XIRP2: variants seen among roughly 807,000 people sequenced by gnomAD.
XIRP2 encodes xin actin binding repeat containing 2.
XIRP2 carries 236 observed loss-of-function variants against 277.0 expected under a neutral mutation model. The observed-to-expected ratio is 0.85, with a 90% CI of 0.77 to 0.95. The LOEUF is 0.95. Among genes scored for constraint, XIRP2 ranks in the 40% least tolerant of loss-of-function variants. XIRP2 has a pLI of 0.00. For missense variants in XIRP2, 4,640 were observed against 4,157.5 expected, an observed-to-expected ratio of 1.12 and a Z score of -3.19; for synonymous variants, 1,490 against 1,416.5, an observed-to-expected ratio of 1.05 and a Z score of -1.17.
chr2:166,908,347 G>A (rs1684588447), intron 2 of XIRP2, among the ~76,000 whole-genome samples: 2 of 152,144 alleles, frequency 1.3e-5, no homozygotes, highest in Admixed American at 1.3e-4. Context: ...GTTTTGATTT[G>A]CATTTCTCTG....
At chr2:166,963,519 T>C (rs1391665401) in intron 2 of XIRP2, among the ~76,000 whole-genome samples, 4 of 151,864 alleles carry the variant, frequency 2.6e-5, no homozygotes, top group African/African-American at 7.3e-5. Flanking sequence ...GAGGAGAGAC[T>C]CTTTCGTAAG....
intron 3 of XIRP2, among the ~76,000 whole-genome samples, chr2:167,189,901 G>A (rs1490609129): frequency 6.6e-6 from 1 of 152,144 alleles, no homozygotes; most frequent in African/African-American, 2.4e-5. Context: ...CACTAATGGA[G>A]TGCCCAGGCC....
At chr2:167,020,160 C>T (rs997294117) in intron 2 of XIRP2, among the ~76,000 whole-genome samples, 11 of 151,694 alleles carry the variant, frequency 7.3e-5, no homozygotes, top group African/African-American at 2.2e-4. Context: ...AAATTCAAAA[C>T]GAAAAGAGAA....
intron 3 of XIRP2, among the ~76,000 whole-genome samples, chr2:167,171,374 T>C (rs1692685428): frequency 6.6e-6 from 1 of 152,222 alleles, no homozygotes. Flanking sequence ...TTGTTTTATT[T>C]AGAAATATTT....
intron 2 of XIRP2, among the ~76,000 whole-genome samples, chr2:166,978,154 T>C (rs973153790): frequency 6.6e-6 from 1 of 152,182 alleles, no homozygotes; most frequent in Non-Finnish European, 1.5e-5. Flanking sequence ...TCATGTTGCA[T>C]TGGCGCTTTT....
chr2:166,950,144 T>C (rs1685989243), intron 2 of XIRP2, among the ~76,000 whole-genome samples: 1 of 152,056 alleles, frequency 6.6e-6, no homozygotes, highest in African/African-American at 2.4e-5. Context: ...TACTCTACAC[T>C]GAATAATTTA....
rs112122908 is a variant in XIRP2 at position 167,253,721 on chromosome 2, CAT to C, written c.10556-304_10556-303del. On this transcript the variant is annotated intron_variant, in intron 9 of 10. Coordinates refer to ENST00000409195, the MANE Select transcript of XIRP2 (RefSeq NM_152381.6). The stretch of plus-strand genomic sequence containing the variant: ...TAAAAAATATACTCACATATATGCA[CAT>C]ATATATGTTTGTAATGTACTTATAT... Among the ~76,000 whole-genome samples, 29 of 151,624 alleles carry C rather than the reference CAT, an allele frequency of 1.9e-4. 1 individual carries two copies. Among genetic ancestry groups the C allele is most frequent in the African/African-American group, 6.3e-4 (26 of 41,394 alleles).
intron 2 of XIRP2, among the ~76,000 whole-genome samples, chr2:167,055,922 A>G (rs1689026560): frequency 6.6e-6 from 1 of 152,146 alleles, no homozygotes; most frequent in African/African-American, 2.4e-5. Context: ...CATAGCAAAC[A>G]TTTGCAAATT....
intron 3 of XIRP2, among the ~76,000 whole-genome samples, chr2:167,168,708 G>A (rs1047645094): frequency 1.1e-4 from 17 of 152,194 alleles, no homozygotes; most frequent in African/African-American, 1.4e-4. Context: ...TCCGCCTCCC[G>A]GGTTCACACC....
rs1308554922 is a variant in XIRP2 at position 167,248,873 on chromosome 2, T to C, written c.7481T>C (p.Ile2494Thr). ...CTTGATGAAAGAAAACAATTATCTA[T>C]TGACTCTGCAAACTGTCTCTCACAC... Reference protein sequence around the residue: ...KSLDERKQLSIDSANCLSHTV... With the variant: ...KSLDERKQLSTDSANCLSHTV... The change falls in exon 9 of 11, where the codon ATT (isoleucine) becomes ACT (threonine). Residue 2494 changes from isoleucine to threonine, a missense_variant. Transcript: ENST00000409195. 1.9e-6 allele frequency: 3 copies of C among 1,613,578 alleles called. No homozygotes were observed. The highest frequency in any genetic ancestry group is 4.5e-5 in the East Asian group (2 of 44,834).
rs1226611232 is a variant in XIRP2 at position 167,247,530 on chromosome 2, ATC to A, written c.6140_6141del (p.Ser2047Ter). 3 of 1,613,770 alleles carry A rather than the reference ATC, an allele frequency of 1.9e-6. No individual in the cohort carries two copies. Among genetic ancestry groups the A allele is most frequent in the Non-Finnish European group, 2.5e-6 (3 of 1,179,766 alleles). On this transcript the variant is annotated frameshift_variant, in exon 9 of 11. Transcript: ENST00000409195. LOFTEE classifies it high-confidence loss of function. ...CTCTGGAGAAAAGCCTTAGAAGACTATCTAATTCACACCATAAATCTAATGTT... is the reference window on the plus strand; with the variant it reads ...CTCTGGAGAAAAGCCTTAGAAGACTATAATTCACACCATAAATCTAATGTT... ...DALEKSLRRL[S>X]NSHHKSNVLE...
intron 4 of XIRP2, among the ~76,000 whole-genome samples, chr2:167,211,214 C>T (rs1694032366): frequency 6.6e-6 from 1 of 152,120 alleles, no homozygotes; most frequent in Non-Finnish European, 1.5e-5. Flanking sequence ...TCTCTTGCCT[C>T]AGCCTCCCGA....
At chr2:167,046,063 G>C (rs1688780534) in intron 2 of XIRP2, among the ~76,000 whole-genome samples, 1 of 151,894 alleles carries the variant, frequency 6.6e-6, no homozygotes, top group Non-Finnish European at 1.5e-5. Flanking sequence ...GTTTGTTGTA[G>C]AGATATTTCA....
intron 2 of XIRP2, among the ~76,000 whole-genome samples, chr2:167,045,562 T>C (rs907886060): frequency 2.6e-5 from 4 of 151,294 alleles, no homozygotes; most frequent in African/African-American, 9.7e-5. Flanking sequence ...ACAAAAACAG[T>C]AAAAAATGGG....
At chr2:167,007,972 T>C (rs778721352) in intron 2 of XIRP2, among the ~76,000 whole-genome samples, 2 of 151,580 alleles carry the variant, frequency 1.3e-5, no homozygotes, top group Non-Finnish European at 3.0e-5. Context: ...TTGAATATTT[T>C]CTCATTGTAA....
intron 2 of XIRP2, among the ~76,000 whole-genome samples, chr2:167,024,266 G>C (rs1209937020): frequency 6.6e-6 from 1 of 152,028 alleles, no homozygotes; most frequent in African/African-American, 2.4e-5. Flanking sequence ...TCTGTTATTG[G>C]TGTATAAGAA....
At position 167,244,159 on chromosome 2, in the gene XIRP2, G is replaced by A; in HGVS notation, c.2767G>A (p.Asp923Asn). The A allele has an allele frequency of 1.2e-6, 2 of 1,613,794 alleles. No homozygotes were observed. Among genetic ancestry groups the A allele is most frequent in the Non-Finnish European group, 1.7e-6 (2 of 1,179,872 alleles). ...GATTTTTGAAACCCAACCTCTGGAA[G>A]ACATTAGAAAAGATAAAAAGGAGTA... ...KWIFETQPLE[D>N]IRKDKKEYTR... The change falls in exon 9 of 11, where the codon GAC becomes AAC. Residue 923 changes from aspartate (D) to asparagine (N), a missense_variant. Coordinates refer to ENST00000409195, the MANE Select transcript of XIRP2 (RefSeq NM_152381.6).
At chr2:167,100,582 C>T (rs183653513) in intron 2 of XIRP2, among the ~76,000 whole-genome samples, 26 of 152,336 alleles carry the variant, frequency 1.7e-4, no homozygotes, top group Non-Finnish European at 3.2e-4. Context: ...TTTCAGCACA[C>T]TCCTTTAACA....
At position 167,246,495 on chromosome 2, in the gene XIRP2, C is replaced by T; in HGVS notation, c.5103C>T (p.Asp1701=). Residue 1701 remains aspartate, a synonymous_variant, in exon 9 of 11, where the codon GAC becomes GAT. Coordinates refer to ENST00000409195, the MANE Select transcript of XIRP2 (RefSeq NM_152381.6). ...IYCLLHENDG[D]TIEREEVIGG... ...GTCTTCTTCATGAAAATGATGGTGACACAATTGAGCGTGAAGAAGTAATAG... is the reference window on the plus strand; with the variant it reads ...GTCTTCTTCATGAAAATGATGGTGATACAATTGAGCGTGAAGAAGTAATAG... 1 of 1,613,614 alleles carries T rather than the reference C, an allele frequency of 6.2e-7. No individual in the cohort carries two copies.
Sources: gnomAD v4.1 joint callset for allele counts (sites outside exome capture counted in the v4.1 genomes callset) on GRCh38, gnomAD v4.1.1 for gene constraint, MANE v1.5 for transcripts, NCBI Gene and HGNC (gene_info 2026-07-23, HGNC 2026-07-21) for gene names.